CTSO: variants seen among roughly 807,000 people sequenced by gnomAD.
The protein encoded by CTSO is cathepsin O.
Under a neutral mutation model 42.4 loss-of-function variants are expected in CTSO, and 40 were observed. That is an observed-to-expected ratio of 0.94 (90% confidence interval 0.73 to 1.23). The LOEUF is 1.23. CTSO is among the 50% of genes most tolerant of loss of function. CTSO has a pLI of 0.00. For synonymous variants in CTSO, 156 were observed against 146.2 expected, an observed-to-expected ratio of 1.07 and a Z score of -0.48; for missense variants, 441 against 396.0, an observed-to-expected ratio of 1.11 and a Z score of -0.96.
intron 6 of CTSO, 84 bp from the exon 7 acceptor site, chr4:155,928,512 C>A (rs1743171904): frequency 3.1e-6 from 3 of 963,942 alleles, no homozygotes; most frequent in Middle Eastern, 2.1e-4. Context: ...AAGTTGGATT[C>A]TTGCTAAGGA....
At chr4:155,942,083 A>G (rs997889348) in intron 3 of CTSO, among the ~76,000 whole-genome samples, 1 of 151,960 alleles carries the variant, frequency 6.6e-6, no homozygotes, top group African/African-American at 2.4e-5. Context: ...GTTGGTGGCA[A>G]TGGCAATTAG....
At chr4:155,937,587 T>C (rs1179101003) in intron 4 of CTSO, 104 bp from the exon 5 acceptor site, 1 of 1,033,346 alleles carries the variant, frequency 9.7e-7, no homozygotes, top group African/African-American at 1.6e-5. Flanking sequence ...CACACCTTCA[T>C]CATGTGGATA....
rs369308908 is a variant in CTSO at position 155,924,223 on chromosome 4, G to A, written c.*1813C>T. The A allele has an allele frequency of 6.6e-6, 1 of 152,112 alleles. No homozygotes were observed. The highest frequency in any genetic ancestry group is 1.5e-5 in the Non-Finnish European group (1 of 68,024). The allele number at this position is 152,112 out of a possible 1,614,324, so 9.4% of individuals were successfully genotyped here. On this transcript the variant is annotated 3_prime_UTR_variant, in exon 8 of 8. Coordinates refer to ENST00000433477, the MANE Select transcript of CTSO (RefSeq NM_001334.3). The stretch of plus-strand genomic sequence containing the variant: ...AGTTTGAAATTTTAGAAATCCTTTA[G>A]CACTTGAAAAAGAGTATTACAAATG...
chr4:155,929,961 T>A (rs914603736), intron 5 of CTSO, among the ~76,000 whole-genome samples: 9 of 152,200 alleles, frequency 5.9e-5, no homozygotes, highest in African/African-American at 2.2e-4. Context: ...TGGTCCAAGA[T>A]GGTTGCTGGG....
At chr4:155,952,782 A>G (rs907643994) in intron 1 of CTSO, among the ~76,000 whole-genome samples, 4 of 152,250 alleles carry the variant, frequency 2.6e-5, no homozygotes, top group Non-Finnish European at 5.9e-5. Flanking sequence ...AACACCAGGA[A>G]AAAAGATACA....
At chr4:155,949,255 T>G (rs1743603937) in intron 1 of CTSO, among the ~76,000 whole-genome samples, 1 of 152,148 alleles carries the variant, frequency 6.6e-6, no homozygotes, top group Admixed American at 6.5e-5. Flanking sequence ...CAACTAGTAT[T>G]TGGTGGAGGG....
rs1243233056 is a variant in CTSO, at chr4:155,924,240, T to C, written c.*1796A>G. ...ATCCTTTAGCACTTGAAAAAGAGTA[T>C]TACAAATGCATCTATATCACATAGA... On this transcript the variant is annotated 3_prime_UTR_variant, in exon 8 of 8. Transcript: ENST00000433477. 6.6e-6 allele frequency: 1 copy of C among 152,148 alleles called. No homozygotes were observed. Among genetic ancestry groups the C allele is most frequent in the Non-Finnish European group, 1.5e-5 (1 of 68,032 alleles). 9.4% of individuals were successfully genotyped at this position (152,148 alleles called of 1,614,324 possible). A position where few individuals can be genotyped will look rare whatever the true frequency, so the allele number is the denominator to read the frequency against.
intron 1 of CTSO, among the ~76,000 whole-genome samples, chr4:155,948,846 G>C (rs1442328870): frequency 1.3e-5 from 2 of 152,320 alleles, no homozygotes; most frequent in East Asian, 3.9e-4. Context: ...CAATCAAAGA[G>C]TAGAAACCCA....
At chr4:155,939,661 T>C (rs563777881) in intron 3 of CTSO, 123 bp from the exon 4 acceptor site, 76 of 780,176 alleles carry the variant, frequency 9.7e-5, no homozygotes, top group South Asian at 1.7e-4. Flanking sequence ...ACAAAATAAA[T>C]ACGCCTATCC....
intron 1 of CTSO, among the ~76,000 whole-genome samples, chr4:155,951,838 TCTAA>T (rs1292937328): frequency 2.6e-5 from 4 of 152,092 alleles, no homozygotes; most frequent in Non-Finnish European, 4.4e-5. Context: ...AGCTAACTAA[TCTAA>T]CTAATTCCTG....
rs1037823683 is a variant in CTSO, at chr4:155,924,261, A to G, written c.*1775T>C. ...AGTATTACAAATGCATCTATATCAC[A>G]TAGAAAGTCAGCGAATACAAACTAG... On this transcript the variant is annotated 3_prime_UTR_variant, in exon 8 of 8. Transcript: ENST00000433477. 5.3e-5 allele frequency: 8 copies of G among 151,426 alleles called. No homozygotes were observed. The allele number at this position is 151,426 out of a possible 1,614,324, so 9.4% of individuals were successfully genotyped here. A position where few individuals can be genotyped will look rare whatever the true frequency, so the allele number is the denominator to read the frequency against.
intron 4 of CTSO, among the ~76,000 whole-genome samples, 195 bp from the exon 5 acceptor site, chr4:155,937,678 G>A (rs948724466): frequency 6.6e-6 from 1 of 151,524 alleles, no homozygotes; most frequent in African/African-American, 2.4e-5. Flanking sequence ...GCAGTGGCTC[G>A]ATCTCGTCTC....
intron 5 of CTSO, among the ~76,000 whole-genome samples, chr4:155,936,075 A>T (rs1743324874): frequency 6.6e-6 from 1 of 152,022 alleles, no homozygotes; most frequent in Non-Finnish European, 1.5e-5. Context: ...TCTTGTACAC[A>T]TCCTTCCCTT....
rs915505614 is a variant in CTSO at position 155,924,930 on chromosome 4, A to C, written c.*1106T>G. The stretch of plus-strand genomic sequence containing the variant: ...AAGAACAAGAGGTGCACAAAGAAGC[A>C]GTTCGGATGGGAGACCAGGAAAGCT... On this transcript the variant is annotated 3_prime_UTR_variant, in exon 8 of 8. Coordinates refer to ENST00000433477, the MANE Select transcript of CTSO (RefSeq NM_001334.3). 1 of 152,482 alleles carries C rather than the reference A, an allele frequency of 6.6e-6. No homozygotes were observed. Among genetic ancestry groups the C allele is most frequent in the Admixed American group, 6.5e-5 (1 of 15,288 alleles). 9.4% of individuals were successfully genotyped at this position (152,482 alleles called of 1,614,324 possible). A position where few individuals can be genotyped will look rare whatever the true frequency, so the allele number is the denominator to read the frequency against.
At chr4:155,940,154 C>T (rs1316309299) in intron 3 of CTSO, among the ~76,000 whole-genome samples, 2 of 152,178 alleles carry the variant, frequency 1.3e-5, no homozygotes, top group Non-Finnish European at 2.9e-5. Context: ...TTAGTCATTA[C>T]TCCAGTATTG....
At position 155,953,838 on chromosome 4, in the gene CTSO, G is replaced by T; in HGVS notation, c.10C>A (p.Arg4=). 7.7e-7 allele frequency: 1 copy of T among 1,292,894 alleles called. No homozygotes were observed. The highest frequency in any genetic ancestry group is 2.8e-4 in the Middle Eastern group (1 of 3,610). The allele number at this position is 1,292,894 out of a possible 1,614,324, so 80.1% of individuals were successfully genotyped here. A position where few individuals can be genotyped will look rare whatever the true frequency, so the allele number is the denominator to read the frequency against. Residue 4 remains arginine (R), a synonymous_variant, in exon 1 of 8, where the codon CGG becomes AGG. Transcript: ENST00000433477. MDV[R]ALPWLPWLLW... ...AGCCACGGCAGCCACGGCAGCGCCC[G>T]CACGTCCATTGCGGCGCCCGGCTCC...
At chr4:155,938,762 T>TA (rs941871123) in intron 4 of CTSO, among the ~76,000 whole-genome samples, 2 of 151,488 alleles carry the variant, frequency 1.3e-5, no homozygotes, top group Non-Finnish European at 2.9e-5. Flanking sequence ...ATGTCTTTAC[T>TA]AAAAAAACAA....
At chr4:155,929,407 T>G in intron 6 of CTSO, 135 bp downstream of exon 6, 1 of 820,428 alleles carries the variant, frequency 1.2e-6, no homozygotes, top group Non-Finnish European at 1.8e-6. Flanking sequence ...TCCTATAAGA[T>G]TGTTGAGAAG....
chr4:155,939,546 A>C lies in CTSO; in HGVS notation c.385-8T>G. 6.3e-7 allele frequency: 1 copy of C among 1,598,144 alleles called. No homozygotes were observed. ...GGCCCAGCATCCTCCACACTGTTTA[A>C]AAACAGAAAAAGGGGTGGTATTTCC... is the stretch of plus-strand genomic sequence containing the variant. On this transcript the variant is annotated splice_polypyrimidine_tract_variant and splice_region_variant and intron_variant, in intron 3 of 7. Coordinates refer to ENST00000433477, the MANE Select transcript of CTSO (RefSeq NM_001334.3).
Sources: allele counts gnomAD v4.1 joint callset (sites outside exome capture counted in the v4.1 genomes callset), GRCh38; gene constraint gnomAD v4.1.1; transcripts MANE v1.5; gene names NCBI Gene and HGNC (gene_info 2026-07-23, HGNC 2026-07-21).